EML6: variants seen among roughly 807,000 people sequenced by gnomAD.
The protein encoded by EML6 is EMAP like 6.
Under a neutral mutation model 240.1 loss-of-function variants are expected in EML6, and 154 were observed. That is an observed-to-expected ratio of 0.64 (90% CI 0.56 to 0.73). EML6 has a LOEUF of 0.73. EML6 is among the 30% of genes least tolerant of loss of function. EML6 has a pLI of 0.00. For missense variants in EML6, 2,964 were observed against 2,474.6 expected, an observed-to-expected ratio of 1.20 and a Z score of -4.20; for synonymous variants, 1,148 against 899.0, an observed-to-expected ratio of 1.28 and a Z score of -4.95.
chr2:54,948,946 A>G lies in EML6; in HGVS notation c.4069A>G (p.Lys1357Glu), dbSNP rs1675827249. The G allele has an allele frequency of 6.4e-7, 1 of 1,551,088 alleles. No individual in the cohort carries two copies. The highest frequency in any genetic ancestry group is 1.4e-5 in the African/African-American group (1 of 73,172). The change falls in exon 29 of 42, where the codon AAG (lysine) becomes GAG (glutamate). Residue 1357 changes from lysine to glutamate, a missense_variant. Coordinates refer to ENST00000356458, the MANE Select transcript of EML6 (RefSeq NM_001039753.4). ...GCAGAAGAACAATATCACCAAAAAA[A>G]AGAAACTGGTTGAGGTGAGTTAAAC... is the stretch of plus-strand genomic sequence containing the variant. ...KLQKNNITKK[K>E]KLVEELALDH...
intron 2 of EML6, among the ~76,000 whole-genome samples, chr2:54,737,694 G>A (rs1490185772): frequency 6.6e-6 from 1 of 152,148 alleles, no homozygotes; most frequent in East Asian, 1.9e-4. Context: ...AGCAGCCAGA[G>A]TTATCTGGTT....
At chr2:54,955,666 C>T (rs1053658683) in intron 32 of EML6, among the ~76,000 whole-genome samples, 3 of 152,190 alleles carry the variant, frequency 2.0e-5, no homozygotes, top group African/African-American at 4.8e-5. Flanking sequence ...CCTGCTTTGG[C>T]CTGCCCTAGC....
intron 11 of EML6, among the ~76,000 whole-genome samples, chr2:54,857,941 C>G (rs1054072118): frequency 1.3e-5 from 2 of 152,212 alleles, no homozygotes; most frequent in African/African-American, 4.8e-5. Flanking sequence ...TTCCAGCTTA[C>G]AAAGGCTATA....
Position 54,853,819 on chromosome 2 carries a change from C to G in EML6, c.1621C>G (p.Leu541Val). 1 of 1,551,492 alleles carries G rather than the reference C, an allele frequency of 6.4e-7. No homozygotes were observed. Among genetic ancestry groups the G allele is most frequent in the African/African-American group, 1.4e-5 (1 of 73,160 alleles). Residue 541 changes from leucine to valine, a missense_variant, in exon 11 of 42, where the codon CTG becomes GTG. By Grantham distance (32) the Leu-to-Val change is conservative. Coordinates refer to ENST00000356458, the MANE Select transcript of EML6 (RefSeq NM_001039753.4). ...GCTGGTGTCTGGAGATGATTTTGGA[C>G]TGGTTAAATTGTTTAAATTTCCTTG... ...SVLVSGDDFG[L>V]VKLFKFPCLK...
intron 7 of EML6, among the ~76,000 whole-genome samples, chr2:54,839,198 G>A (rs1572980268): frequency 6.6e-6 from 1 of 152,138 alleles, no homozygotes; most frequent in Non-Finnish European, 1.5e-5. Context: ...ATTCACCAAG[G>A]TCTCACCAGA....
At chr2:54,905,572 T>G (rs1203146004) in intron 24 of EML6, among the ~76,000 whole-genome samples, 1 of 152,218 alleles carries the variant, frequency 6.6e-6, no homozygotes, top group Non-Finnish European at 1.5e-5. Flanking sequence ...TTAATCATTT[T>G]TTAAGTGTAC....
chr2:54,780,942 C>T (rs1011479482), intron 2 of EML6, among the ~76,000 whole-genome samples: 19 of 151,930 alleles, frequency 1.3e-4, no homozygotes, highest in African/African-American at 2.4e-4. Flanking sequence ...ATTCTTTGGG[C>T]GGTTAAGAAA....
chr2:54,944,293 C>G (rs1426635546), intron 28 of EML6, among the ~76,000 whole-genome samples: 1 of 152,124 alleles, frequency 6.6e-6, no homozygotes, highest in Non-Finnish European at 1.5e-5. Context: ...TTCTCTCTGT[C>G]TCATTCCATG....
At position 54,968,703 on chromosome 2, in the gene EML6, C is replaced by A; in HGVS notation, c.5787C>A (p.His1929Gln). The A allele has an allele frequency of 6.4e-7, 1 of 1,551,182 alleles. No individual in the cohort carries two copies. The highest frequency in any genetic ancestry group is 8.7e-7 in the Non-Finnish European group (1 of 1,146,490). The change falls in exon 41 of 42, where the codon CAC (histidine) becomes CAA (glutamine). Residue 1929 changes from histidine (H) to glutamine (Q), a missense_variant. His to Gln is a conservative substitution (Grantham distance 24). Transcript: ENST00000356458. ...KHKRYFGHSA[H>Q]VTNIRFSYDD... The stretch of plus-strand genomic sequence containing the variant: ...AGCGATACTTCGGTCACTCGGCTCA[C>A]GTGACGAACATCCGTTTCTCTTATG...
chr2:54,833,355 C>A (rs1256499588), intron 7 of EML6, among the ~76,000 whole-genome samples: 1 of 152,172 alleles, frequency 6.6e-6, no homozygotes, highest in African/African-American at 2.4e-5. Flanking sequence ...CTTCTAATAA[C>A]TATTAACTGT....
At chr2:54,796,534 A>G (rs1669787878) in intron 2 of EML6, among the ~76,000 whole-genome samples, 1 of 151,278 alleles carries the variant, frequency 6.6e-6, no homozygotes, top group Non-Finnish European at 1.5e-5. Flanking sequence ...CATTTTAAGT[A>G]TGCTGAGAGC....
intron 27 of EML6, 31 bp from the exon 28 acceptor site, chr2:54,928,594 C>G: frequency 1.3e-6 from 2 of 1,552,144 alleles, no homozygotes; most frequent in Non-Finnish European, 1.7e-6. Flanking sequence ...TGCAAACCAA[C>G]TGGCTCCCCA....
chr2:54,793,206 G>T (rs1054376769), intron 2 of EML6, among the ~76,000 whole-genome samples: 5 of 152,170 alleles, frequency 3.3e-5, no homozygotes, highest in African/African-American at 1.2e-4. Context: ...GGTAGAGGCT[G>T]CAGTGAGCCA....
intron 2 of EML6, among the ~76,000 whole-genome samples, chr2:54,740,701 A>C (rs1355251471): frequency 7.0e-6 from 1 of 143,298 alleles, no homozygotes; most frequent in Non-Finnish European, 1.5e-5. Flanking sequence ...TCTCTAGCAG[A>C]CTCTAGCTCT....
intron 7 of EML6, among the ~76,000 whole-genome samples, chr2:54,837,439 C>A (rs1001251042): frequency 6.6e-6 from 1 of 152,172 alleles, no homozygotes; most frequent in Non-Finnish European, 1.5e-5. Flanking sequence ...AATGATAATG[C>A]CACCTCCTAA....
In EML6 at chr2:54,957,962, C is replaced by G. The variant is rs1225733511; in HGVS notation, c.4659C>G (p.Ala1553=). Reference sequence around the variant, plus strand: ...GGGTCATCGGGTCCCTGGGAGCTGCCAAAATGCAGACGATGCTCTCCGTGG... The same window carrying G: ...GGGTCATCGGGTCCCTGGGAGCTGCGAAAATGCAGACGATGCTCTCCGTGG... The part of the protein sequence containing the change: ...KKGVIGSLGA[A]KMQTMLSVAF... The change falls in exon 33 of 42, where the codon GCC becomes GCG. Residue 1553 remains alanine, a synonymous_variant. Coordinates refer to ENST00000356458, the MANE Select transcript of EML6 (RefSeq NM_001039753.4). 6 of 1,551,474 alleles carry G rather than the reference C, an allele frequency of 3.9e-6. No individual in the cohort carries two copies. The highest frequency in any genetic ancestry group is 2.4e-5 in the East Asian group (1 of 40,912).
At chr2:54,846,597 C>T (rs569678338) in intron 8 of EML6, among the ~76,000 whole-genome samples, 11 of 151,582 alleles carry the variant, frequency 7.3e-5, no homozygotes, top group Non-Finnish European at 1.2e-4. Context: ...TATCCTCCTA[C>T]CTCAGCCTCC....
intron 4 of EML6, 83 bp from the exon 5 acceptor site, chr2:54,820,309 TAG>T (rs1668273169): frequency 2.6e-6 from 2 of 757,628 alleles, no homozygotes; most frequent in Admixed American, 4.9e-5. Context: ...AATGTTATAG[TAG>T]AGTCTTGGCA....
chr2:54,934,701 G>A (rs1024853378), intron 28 of EML6, among the ~76,000 whole-genome samples: 6 of 152,034 alleles, frequency 3.9e-5, no homozygotes, highest in Non-Finnish European at 8.8e-5. Flanking sequence ...GACTACAGGT[G>A]TGCACCACCA....
Sources: gnomAD v4.1 joint callset for allele counts (sites outside exome capture counted in the v4.1 genomes callset) on GRCh38, gnomAD v4.1.1 for gene constraint, MANE v1.5 for transcripts, NCBI Gene and HGNC (gene_info 2026-07-23, HGNC 2026-07-21) for gene names.